Variants in GRIA4 observed in about 807,000 individuals in gnomAD.
GRIA4 encodes the protein glutamate receptor 4.
GRIA4 carries 34 observed loss-of-function variants against 104.0 expected under a neutral mutation model. The observed-to-expected ratio is 0.33, with a 90% CI of 0.25 to 0.44. The LOEUF (loss-of-function observed/expected upper bound fraction) is 0.44. Among genes scored for constraint, GRIA4 ranks in the 20% least tolerant of loss-of-function variants. The pLI is 1.00. For missense variants in GRIA4, 750 were observed against 1,096.5 expected (o/e 0.68, Z 4.46); for synonymous variants, 386 against 381.9 (o/e 1.01, Z -0.13).
intron 3 of GRIA4, among the ~76,000 whole-genome samples, chr11:105,728,900 G>C (rs141936833): frequency 0.014 from 2,130 of 152,008 alleles, 47 homozygotes; most frequent in African/African-American, 0.047. Flanking sequence ...AGGAGAAAGT[G>C]GGAAAGATCT....
intron 3 of GRIA4, among the ~76,000 whole-genome samples, chr11:105,685,126 G>C (rs1472460265): frequency 8.0e-6 from 1 of 125,488 alleles, no homozygotes; most frequent in Non-Finnish European, 1.6e-5. Context: ...AGGAAGGAAG[G>C]AAAGAAGGGA....
intron 3 of GRIA4, among the ~76,000 whole-genome samples, chr11:105,634,500 A>C (rs1442556453): frequency 1.4e-5 from 1 of 69,070 alleles, no homozygotes; most frequent in Non-Finnish European, 3.9e-5. Context: ...AAAGAAAGAA[A>C]GAAAGAAAGA....
At chr11:105,633,742 A>G (rs1951100133) in intron 3 of GRIA4, among the ~76,000 whole-genome samples, 1 of 152,182 alleles carries the variant, frequency 6.6e-6, no homozygotes, top group Admixed American at 6.6e-5. Flanking sequence ...AAATAACAAT[A>G]TCAGAATCAC....
At chr11:105,752,925 A>C in intron 3 of GRIA4, 56 bp from the exon 4 acceptor site, 1 of 1,549,814 alleles carries the variant, frequency 6.5e-7, no homozygotes, top group Non-Finnish European at 8.9e-7. Flanking sequence ...GTAGACTTCA[A>C]AGTCAACAAT....
chr11:105,842,764 C>G (rs1944439667), intron 4 of GRIA4: 1 of 152,146 alleles, frequency 6.6e-6, no homozygotes, highest in Admixed American at 6.5e-5. Context: ...AAAGATATCT[C>G]TTTCCCTGAA....
chr11:105,915,893 T>C (rs898725107), intron 10 of GRIA4, among the ~76,000 whole-genome samples: 1 of 152,150 alleles, frequency 6.6e-6, no homozygotes, highest in African/African-American at 2.4e-5. Flanking sequence ...TATTTCAAAA[T>C]GTAGGGTCGG....
chr11:105,638,794 C>T (rs1303279306), intron 3 of GRIA4, among the ~76,000 whole-genome samples: 2 of 151,926 alleles, frequency 1.3e-5, no homozygotes, highest in Non-Finnish European at 2.9e-5. Context: ...ATTTCTTTTT[C>T]TATCTTTCCT....
chr11:105,838,805 G>A (rs948651368), intron 4 of GRIA4, among the ~76,000 whole-genome samples: 6 of 152,066 alleles, frequency 3.9e-5, no homozygotes, highest in Non-Finnish European at 5.9e-5. Context: ...TTGCTACCTC[G>A]CAAGTCAACT....
rs752710039 is a variant in GRIA4, at chr11:105,694,380, C to T, written c.248-58601C>T. 1.2e-4 allele frequency among the ~76,000 whole-genome samples: 19 copies of T among 152,152 alleles called. No individual in the cohort carries two copies. In the East Asian group the frequency reaches 3.7e-3, roughly 29 times the overall value. On this transcript the variant is annotated intron_variant, in intron 3 of 16. Coordinates refer to ENST00000282499, the MANE Select transcript of GRIA4 (RefSeq NM_000829.4). ...GCCAGGATGGTCTTGATCTCTTGACCTCGTGATCCACCCACCTCGGCCTCC... is the reference window on the plus strand; with the variant it reads ...GCCAGGATGGTCTTGATCTCTTGACTTCGTGATCCACCCACCTCGGCCTCC...
chr11:105,766,684 T>C (rs117011734), intron 4 of GRIA4, among the ~76,000 whole-genome samples: 1,880 of 152,248 alleles, frequency 0.012, 16 homozygotes, highest in Non-Finnish European at 0.019. Flanking sequence ...AGCAGGTTTC[T>C]CACTGACCAT....
At chr11:105,945,847 A>G (rs943146394) in intron 14 of GRIA4, among the ~76,000 whole-genome samples, 1 of 152,218 alleles carries the variant, frequency 6.6e-6, no homozygotes, top group Non-Finnish European at 1.5e-5. Context: ...TTTGTAAAAT[A>G]TACATAGTTA....
At chr11:105,656,732 A>G in intron 3 of GRIA4, among the ~76,000 whole-genome samples, 1 of 152,216 alleles carries the variant, frequency 6.6e-6, no homozygotes, top group East Asian at 1.9e-4. Context: ...ATCTTCATTG[A>G]AATGATCAGA....
At chr11:105,863,607 C>T (rs1296340089) in intron 5 of GRIA4, among the ~76,000 whole-genome samples, 1 of 152,112 alleles carries the variant, frequency 6.6e-6, no homozygotes, top group Non-Finnish European at 1.5e-5. Context: ...CTCCGACTCC[C>T]ATTTCCCTCC....
chr11:105,938,282 A>C (rs754147992), intron 14 of GRIA4, among the ~76,000 whole-genome samples: 9 of 152,222 alleles, frequency 5.9e-5, no homozygotes, highest in Non-Finnish European at 1.2e-4. Flanking sequence ...AGGTTTGTGA[A>C]GTACTTAGAC....
At chr11:105,772,444 T>C (rs565193010) in intron 4 of GRIA4, among the ~76,000 whole-genome samples, 4 of 152,272 alleles carry the variant, frequency 2.6e-5, no homozygotes, top group Non-Finnish European at 2.9e-5. Flanking sequence ...CAGTACAATG[T>C]GGTAAATGTA....
At chr11:105,675,221 C>T (rs113203719) in intron 3 of GRIA4, among the ~76,000 whole-genome samples, 1 of 151,760 alleles carries the variant, frequency 6.6e-6, no homozygotes, top group African/African-American at 2.4e-5. Flanking sequence ...CTGCTTCCCC[C>T]TCGTGCTGGT....
At chr11:105,667,640 C>A (rs1952208959) in intron 3 of GRIA4, among the ~76,000 whole-genome samples, 1 of 151,914 alleles carries the variant, frequency 6.6e-6, no homozygotes, top group South Asian at 2.1e-4. Flanking sequence ...CATTGATCAG[C>A]AATTTGTGTC....
chr11:105,907,798 T>G (rs961732194), intron 9 of GRIA4, among the ~76,000 whole-genome samples: 1 of 152,176 alleles, frequency 6.6e-6, no homozygotes, highest in Non-Finnish European at 1.5e-5. Flanking sequence ...AAATAAGATA[T>G]ATATTTTTTT....
chr11:105,959,911 C>A (rs1377059583), intron 14 of GRIA4, among the ~76,000 whole-genome samples: 1 of 152,126 alleles, frequency 6.6e-6, no homozygotes, highest in Non-Finnish European at 1.5e-5. Flanking sequence ...TACTTTAGGC[C>A]CTATTCATCT....
Sources: gnomAD v4.1 joint callset for allele counts (sites outside exome capture counted in the v4.1 genomes callset) on GRCh38, gnomAD v4.1.1 for gene constraint, MANE v1.5 for transcripts, NCBI Gene and HGNC (gene_info 2026-07-23, HGNC 2026-07-21) for gene names.